Variants in CAMSAP2 observed in about 807,000 individuals in gnomAD.
The protein encoded by CAMSAP2 is calmodulin-regulated spectrin-associated protein 2.
A neutral mutation model predicts 146.1 loss-of-function variants in CAMSAP2; 26 were observed. The observed-to-expected ratio is 0.18, with a 90% CI of 0.13 to 0.25. The LOEUF is 0.25. CAMSAP2 is among the 10% of genes least tolerant of loss of function. The probability of loss-of-function intolerance (pLI) is 1.00; values close to 1 mark genes in which losing one functional copy is unlikely to be tolerated. For synonymous variants in CAMSAP2, 499 were observed against 596.6 expected (o/e 0.84, Z 2.38); for missense variants, 1,381 against 1,759.3 (o/e 0.78, Z 3.85).
chr1:200,775,167 C>A (rs961960934), intron 2 of CAMSAP2, among the ~76,000 whole-genome samples: 1 of 152,126 alleles, frequency 6.6e-6, no homozygotes, highest in East Asian at 1.9e-4. Flanking sequence ...GACCTAAATA[C>A]CTGAAGGAAC....
intron 1 of CAMSAP2, among the ~76,000 whole-genome samples, chr1:200,744,222 A>G (rs995362033): frequency 1.3e-5 from 2 of 152,222 alleles, no homozygotes; most frequent in Non-Finnish European, 2.9e-5. Context: ...TATGGGTAGA[A>G]GTCAAAAAAT....
At chr1:200,850,289 G>T in intron 11 of CAMSAP2, 55 bp downstream of exon 11, 1 of 1,441,662 alleles carries the variant, frequency 6.9e-7, no homozygotes, top group South Asian at 1.6e-5. Flanking sequence ...GTGTGGTTGT[G>T]TTGGATATTT....
chr1:200,826,073 G>A (rs1666898563), intron 4 of CAMSAP2, among the ~76,000 whole-genome samples: 1 of 152,136 alleles, frequency 6.6e-6, no homozygotes, highest in African/African-American at 2.4e-5. Context: ...CTCCAAAAGA[G>A]CTTGTACCAT....
At chr1:200,762,673 G>A (rs977150525) in intron 2 of CAMSAP2, among the ~76,000 whole-genome samples, 1 of 152,160 alleles carries the variant, frequency 6.6e-6, no homozygotes, top group African/African-American at 2.4e-5. Context: ...TATCCTTAGA[G>A]TGTCTATTTC....
chr1:200,842,126 GA>G, intron 7 of CAMSAP2, 39 bp downstream of exon 7: 4 of 1,418,500 alleles, frequency 2.8e-6, no homozygotes, highest in Non-Finnish European at 3.0e-6. Context: ...CCTATGAACA[GA>G]AAAAAATGGA....
rs1483564266 is a variant in CAMSAP2 at position 200,797,208 on chromosome 1, A to G, written c.400-10168A>G. On this transcript the variant is annotated intron_variant, in intron 2 of 16. Transcript: ENST00000358823. ...CCCAGTAATGGGATGGCTGGGTCAA[A>G]TGGTATTTCCAGTTCTAGATCCCTG... 2.2e-3 allele frequency among the ~76,000 whole-genome samples: 329 copies of G among 151,108 alleles called. 2 individuals carry two copies. The highest frequency in any genetic ancestry group is 3.9e-3 in the Non-Finnish European group (262 of 67,636).
At chr1:200,807,981 A>T (rs573701102) in intron 3 of CAMSAP2, among the ~76,000 whole-genome samples, 2 of 152,170 alleles carry the variant, frequency 1.3e-5, no homozygotes, top group African/African-American at 2.4e-5. Flanking sequence ...CCTCACGGTG[A>T]TCTACCCACC....
At chr1:200,769,836 A>G (rs998513118) in intron 2 of CAMSAP2, among the ~76,000 whole-genome samples, 16 of 152,066 alleles carry the variant, frequency 1.1e-4, no homozygotes, top group Admixed American at 2.6e-4. Context: ...TTCCCAGGGT[A>G]TAGGGTGGGA....
intron 2 of CAMSAP2, among the ~76,000 whole-genome samples, chr1:200,780,261 G>A (rs1665395360): frequency 6.6e-6 from 1 of 152,130 alleles, no homozygotes; most frequent in Non-Finnish European, 1.5e-5. Flanking sequence ...TACAGAGGTC[G>A]ATGTTTTATG....
At chr1:200,829,103 C>A (rs755754301) in intron 4 of CAMSAP2, among the ~76,000 whole-genome samples, 2 of 152,048 alleles carry the variant, frequency 1.3e-5, no homozygotes, top group Non-Finnish European at 2.9e-5. Context: ...TGCAGTGAGC[C>A]GAGATCGCGC....
intron 4 of CAMSAP2, chr1:200,828,436 TATGAA>T: frequency 1.3e-6 from 1 of 744,032 alleles, no homozygotes. Context: ...TTTATTAACA[TATGAA>T]ATGTTATGAG....
chr1:200,781,488 G>A (rs1036813996), intron 2 of CAMSAP2, among the ~76,000 whole-genome samples: 3 of 152,048 alleles, frequency 2.0e-5, no homozygotes, highest in East Asian at 1.9e-4. Context: ...GAATATAATC[G>A]TCTAGTGGGT....
chr1:200,829,267 T>A (rs1459227977), intron 4 of CAMSAP2, among the ~76,000 whole-genome samples: 1 of 152,194 alleles, frequency 6.6e-6, no homozygotes, highest in East Asian at 1.9e-4. Flanking sequence ...AAAAATCATC[T>A]TTGTGGCTGA....
At chr1:200,817,386 T>A (rs1256822780) in intron 4 of CAMSAP2, among the ~76,000 whole-genome samples, 1 of 152,124 alleles carries the variant, frequency 6.6e-6, no homozygotes, top group Non-Finnish European at 1.5e-5. Context: ...TTTAGAATTT[T>A]CTTCTCTGAA....
chr1:200,788,094 A>G (rs988117195), intron 2 of CAMSAP2, among the ~76,000 whole-genome samples: 2 of 152,194 alleles, frequency 1.3e-5, no homozygotes, highest in Admixed American at 6.5e-5. Flanking sequence ...GGAACCTGCA[A>G]TATATCCAAG....
rs143731283 is a variant in CAMSAP2 at position 200,804,678 on chromosome 1, G to A, written c.400-2698G>A. Among the ~76,000 whole-genome samples the A allele has an allele frequency of 7.8e-3, 1,187 of 152,268 alleles. 17 individuals carry two copies. The highest frequency in any genetic ancestry group is 0.027 in the African/African-American group (1,116 of 41,552). The stretch of plus-strand genomic sequence containing the variant: ...CTGCTCTCCAGGGATGGAGTATAAC[G>A]GAGAGGATACATACAGATGAATGAC... On this transcript the variant is annotated intron_variant, in intron 2 of 16. Coordinates refer to ENST00000358823, the MANE Select transcript of CAMSAP2 (RefSeq NM_203459.4).
At chr1:200,830,299 C>CTGTGTG (rs3081676) in intron 4 of CAMSAP2, among the ~76,000 whole-genome samples, 27 of 150,510 alleles carry the variant, frequency 1.8e-4, no homozygotes, top group South Asian at 4.2e-4. Context: ...TCATATAAAG[C>CTGTGTG]TGTGTGTGTG....
intron 4 of CAMSAP2, among the ~76,000 whole-genome samples, chr1:200,831,351 TTA>T (rs1205063422): frequency 6.6e-6 from 1 of 152,192 alleles, no homozygotes; most frequent in Non-Finnish European, 1.5e-5. Flanking sequence ...GTGGGTACTA[TTA>T]TTACGCCAGT....
Position 200,828,932 on chromosome 1 carries a change from C to T in CAMSAP2, c.646-3268C>T, listed in dbSNP as rs1666972910. Among the ~76,000 whole-genome samples, 3 of 150,804 alleles carry T rather than the reference C, an allele frequency of 2.0e-5. No individual in the cohort carries two copies. The South Asian group carries it at 6.3e-4, about 32-fold the overall frequency. ...CAGCACTTTGGGAGGCCAAGGTGGGCAGATCATGAGGTCAGGAGGTCGAGA... is the reference window on the plus strand; with the variant it reads ...CAGCACTTTGGGAGGCCAAGGTGGGTAGATCATGAGGTCAGGAGGTCGAGA... On this transcript the variant is annotated intron_variant, in intron 4 of 16. Coordinates refer to ENST00000358823, the MANE Select transcript of CAMSAP2 (RefSeq NM_203459.4).
Sources: gnomAD v4.1 joint callset for allele counts (sites outside exome capture counted in the v4.1 genomes callset) on GRCh38, gnomAD v4.1.1 for gene constraint, MANE v1.5 for transcripts, NCBI Gene and HGNC (gene_info 2026-07-23, HGNC 2026-07-21) for gene names.